The following ADGRG6 variants were observed in gnomAD, a reference collection of about 807,000 sequenced individuals.
The protein encoded by ADGRG6 is G-protein coupled receptor 126.
ADGRG6 carries 84 observed loss-of-function variants against 142.4 expected under a neutral mutation model. The ratio of observed to expected loss-of-function variants is 0.59; its 90% CI spans 0.49 to 0.71. The LOEUF (loss-of-function observed/expected upper bound fraction) is 0.71, where lower values mean the gene tolerates loss of function less well. ADGRG6 is among the 30% of genes least tolerant of loss of function. ADGRG6 has a pLI of 0.00. For missense variants in ADGRG6, 1,367 were observed against 1,466.6 expected (o/e 0.93, Z 1.11); for synonymous variants, 521 against 520.5 (o/e 1.00, Z -0.01).
chr6:142,330,385 G>C (rs1396290021), intron 2 of ADGRG6, among the ~76,000 whole-genome samples: 1 of 152,078 alleles, frequency 6.6e-6, no homozygotes, highest in East Asian at 1.9e-4. Flanking sequence ...ATTCGGTGGT[G>C]AAAACATTTT....
chr6:142,442,290 TC>T (rs1350999624), intron 24 of ADGRG6, among the ~76,000 whole-genome samples: 2 of 152,192 alleles, frequency 1.3e-5, no homozygotes, highest in Non-Finnish European at 2.9e-5. Context: ...ATCTTCTTTA[TC>T]AGTGTAAAAT....
Position 142,370,541 on chromosome 6 carries a change from G to A in ADGRG6, c.817G>A (p.Glu273Lys). ...SIGVNFKRNYETVPCDSTISK... is the reference protein window; with the variant it reads ...SIGVNFKRNYKTVPCDSTISK... ...TGGTGTAAATTTCAAAAGAAACTATGAAACAGTTCCATGTGATTCTACCAT... is the reference window on the plus strand; with the variant it reads ...TGGTGTAAATTTCAAAAGAAACTATAAAACAGTTCCATGTGATTCTACCAT... Residue 273 changes from glutamate to lysine, a missense_variant, in exon 4 of 25, where the codon GAA (glutamate) becomes AAA (lysine). Transcript: ENST00000367609. 6.2e-7 allele frequency: 1 copy of A among 1,613,498 alleles called. No individual in the cohort carries two copies. Among genetic ancestry groups the A allele is most frequent in the Non-Finnish European group, 8.5e-7 (1 of 1,179,502 alleles).
At chr6:142,399,127 A>G (rs1296347334) in intron 10 of ADGRG6, among the ~76,000 whole-genome samples, 2 of 152,168 alleles carry the variant, frequency 1.3e-5, no homozygotes, top group African/African-American at 2.4e-5. Flanking sequence ...ATTAGTAGAG[A>G]TCAAAAGAAA....
chr6:142,357,766 C>A (rs1191276700), intron 2 of ADGRG6, among the ~76,000 whole-genome samples: 1 of 152,176 alleles, frequency 6.6e-6, no homozygotes. Context: ...CCTTCACCTG[C>A]ACCACATAAC....
At chr6:142,417,249 T>G in intron 20 of ADGRG6, 24 bp from the exon 21 acceptor site, 2 of 1,246,124 alleles carry the variant, frequency 1.6e-6, no homozygotes, top group Non-Finnish European at 2.4e-6. Flanking sequence ...CAAAAGAGTT[T>G]GTGTCATGGT....
At chr6:142,376,231 G>A (rs1188760932) in intron 4 of ADGRG6, among the ~76,000 whole-genome samples, 1 of 152,098 alleles carries the variant, frequency 6.6e-6, no homozygotes, top group Non-Finnish European at 1.5e-5. Flanking sequence ...ACTGGCTGAT[G>A]TCCGTCAATT....
chr6:142,362,982 A>C (rs1225952818), intron 2 of ADGRG6, among the ~76,000 whole-genome samples: 1 of 152,222 alleles, frequency 6.6e-6, no homozygotes, highest in Non-Finnish European at 1.5e-5. Flanking sequence ...TAATTCAAAT[A>C]ATGACTGAAT....
In ADGRG6 at chr6:142,393,932, C is replaced by T. The variant is rs1326702557; in HGVS notation, c.1398C>T (p.Val466=). ...GTGCTGGAGAGGACAAGATTAAAGT[C>T]AAGAGAAGCCTTGAGGATGAGCCAA... The part of the protein sequence containing the change: ...HLSAGEDKIK[V]KRSLEDEPRL... The change falls in exon 9 of 25, where the codon GTC becomes GTT. Residue 466 remains valine, a synonymous_variant. Transcript: ENST00000367609. 1.9e-6 allele frequency: 3 copies of T among 1,562,590 alleles called. No individual in the cohort carries two copies. Among genetic ancestry groups the T allele is most frequent in the Non-Finnish European group, 2.6e-6 (3 of 1,150,780 alleles).
intron 2 of ADGRG6, among the ~76,000 whole-genome samples, chr6:142,318,003 T>C (rs1334787621): frequency 5.8e-5 from 3 of 51,636 alleles, no homozygotes; most frequent in Non-Finnish European, 9.6e-5. Flanking sequence ...ATATATTATA[T>C]ATAATATTTA....
chr6:142,365,755 G>C (rs1332560475), intron 2 of ADGRG6, among the ~76,000 whole-genome samples: 1 of 152,124 alleles, frequency 6.6e-6, no homozygotes, highest in African/African-American at 2.4e-5. Flanking sequence ...GTGAAACATT[G>C]AGTAATACAA....
At chr6:142,391,013 G>C (rs1407960267) in intron 7 of ADGRG6, among the ~76,000 whole-genome samples, 1 of 151,664 alleles carries the variant, frequency 6.6e-6, no homozygotes, top group Non-Finnish European at 1.5e-5. Context: ...TCATTATGTG[G>C]CTGTTCAGTC....
At chr6:142,386,840 A>ACACTCACACACACCCACACC (rs1782053203) in intron 6 of ADGRG6, among the ~76,000 whole-genome samples, 1 of 152,144 alleles carries the variant, frequency 6.6e-6, no homozygotes, top group Non-Finnish European at 1.5e-5. Flanking sequence ...ATGGCAGGGC[A>ACACTCACACACACCCACACC]CACTCACACA....
Position 142,443,598 on chromosome 6 carries a change from T to A in ADGRG6, c.*83T>A. 2.4e-6 allele frequency: 2 copies of A among 848,824 alleles called. No homozygotes were observed. Among genetic ancestry groups the A allele is most frequent in the Non-Finnish European group, 3.8e-6 (2 of 532,412 alleles). The allele number at this position is 848,824 out of a possible 1,614,324, so 52.6% of individuals were successfully genotyped here. ...ACTGCAACTAGTGATGTAAATGTGC[T>A]ATTACCTAGGTAACTGCATATATAT... On this transcript the variant is annotated 3_prime_UTR_variant, in exon 25 of 25. Transcript: ENST00000367609.
chr6:142,399,289 A>G (rs1434638824), intron 10 of ADGRG6, among the ~76,000 whole-genome samples: 1 of 152,176 alleles, frequency 6.6e-6, no homozygotes, highest in East Asian at 1.9e-4. Context: ...GGAGCCACCC[A>G]TCTCTATTGG....
intron 4 of ADGRG6, among the ~76,000 whole-genome samples, chr6:142,378,656 T>C (rs1781609121): frequency 6.6e-6 from 1 of 152,202 alleles, no homozygotes; most frequent in Non-Finnish European, 1.5e-5. Flanking sequence ...CCCCTTCCTC[T>C]CTCTGCTTCC....
At chr6:142,305,416 C>T (rs1453471526) in intron 1 of ADGRG6, among the ~76,000 whole-genome samples, 10 of 138,992 alleles carry the variant, frequency 7.2e-5, no homozygotes, top group African/African-American at 1.7e-4. Flanking sequence ...CCCCCCCCCA[C>T]GAGCCCCTCC....
intron 11 of ADGRG6, chr6:142,400,867 G>A (rs1358135648): frequency 6.6e-6 from 2 of 301,856 alleles, no homozygotes; most frequent in South Asian, 1.4e-4. Flanking sequence ...CCAGAGCAAA[G>A]TACCTTGTAT....
intron 15 of ADGRG6, among the ~76,000 whole-genome samples, 156 bp downstream of exon 15, chr6:142,405,984 A>G (rs1287660663): frequency 2.6e-5 from 4 of 152,166 alleles, no homozygotes; most frequent in Non-Finnish European, 5.9e-5. Flanking sequence ...TTGTTTAAAT[A>G]TTTTATTTCA....
chr6:142,336,939 A>G (rs561626154), intron 2 of ADGRG6, among the ~76,000 whole-genome samples: 110 of 152,224 alleles, frequency 7.2e-4, no homozygotes, highest in African/African-American at 2.6e-3. Context: ...GTTACTGCCA[A>G]AGGACTTTGA....
Sources: gnomAD v4.1 joint callset for allele counts (sites outside exome capture counted in the v4.1 genomes callset) on GRCh38, gnomAD v4.1.1 for gene constraint, MANE v1.5 for transcripts, NCBI Gene and HGNC (gene_info 2026-07-23, HGNC 2026-07-21) for gene names.